The following SPAG16 variants were observed in gnomAD, a reference collection of about 807,000 sequenced individuals.
SPAG16 encodes the protein sperm associated antigen 16, also known as sperm-associated antigen 16 protein.
Under a neutral mutation model 80.4 loss-of-function variants are expected in SPAG16, and 86 were observed. The observed-to-expected ratio is 1.07, with a 90% confidence interval of 0.90 to 1.28. The LOEUF (loss-of-function observed/expected upper bound fraction) is 1.28. Ranked by LOEUF, SPAG16 falls within the 50% of genes most tolerant of loss-of-function variation. The pLI, the probability that SPAG16 is intolerant of heterozygous loss-of-function variation, is 0.00. For synonymous variants in SPAG16, 294 were observed against 265.9 expected (o/e 1.11, Z -1.03); for missense variants, 870 against 765.3 (o/e 1.14, Z -1.61).
chr2:214,143,728 T>G (rs1163041231), intron 14 of SPAG16, among the ~76,000 whole-genome samples: 5 of 152,214 alleles, frequency 3.3e-5, no homozygotes, highest in African/African-American at 1.2e-4. Context: ...TAGCAGGAAC[T>G]GTGCTGGGTG....
intron 9 of SPAG16, among the ~76,000 whole-genome samples, chr2:213,390,140 C>T (rs566780386): frequency 1.3e-5 from 2 of 152,068 alleles, no homozygotes; most frequent in East Asian, 3.8e-4. Flanking sequence ...AACAGAAAGA[C>T]AAATACTATA....
At chr2:213,691,340 G>A (rs903914021) in intron 10 of SPAG16, among the ~76,000 whole-genome samples, 12 of 152,082 alleles carry the variant, frequency 7.9e-5, no homozygotes, top group African/African-American at 1.7e-4. Context: ...ATTCTGACTG[G>A]GTCTGCTTAA....
At chr2:213,738,702 A>G (rs1310471909) in intron 10 of SPAG16, among the ~76,000 whole-genome samples, 1 of 152,230 alleles carries the variant, frequency 6.6e-6, no homozygotes, top group Non-Finnish European at 1.5e-5. Context: ...TTAAAAATAT[A>G]CTGTATGAAA....
chr2:213,611,802 A>G (rs2125019875), intron 10 of SPAG16, among the ~76,000 whole-genome samples: 1 of 152,316 alleles, frequency 6.6e-6, no homozygotes, highest in South Asian at 2.1e-4. Flanking sequence ...AAGTAAAGAC[A>G]TCTCTTGTTT....
intron 10 of SPAG16, among the ~76,000 whole-genome samples, chr2:213,655,440 A>C (rs1008117536): frequency 2.6e-5 from 4 of 152,234 alleles, no homozygotes. Context: ...TTAGGCTGAA[A>C]TATCTGCATT....
At chr2:213,337,174 C>A (rs1168032051) in intron 5 of SPAG16, among the ~76,000 whole-genome samples, 2 of 152,110 alleles carry the variant, frequency 1.3e-5, no homozygotes, top group East Asian at 1.9e-4. Flanking sequence ...CAGAAAACAA[C>A]AACAACATCA....
At chr2:213,512,532 G>C (rs2075269062) in intron 10 of SPAG16, among the ~76,000 whole-genome samples, 1 of 152,080 alleles carries the variant, frequency 6.6e-6, no homozygotes, top group Non-Finnish European at 1.5e-5. Flanking sequence ...CATAAACTTT[G>C]TGTGAACTGG....
intron 4 of SPAG16, among the ~76,000 whole-genome samples, chr2:213,316,418 A>G (rs1207249154): frequency 3.9e-5 from 6 of 152,062 alleles, no homozygotes; most frequent in African/African-American, 1.4e-4. Context: ...ATAGCCTGCT[A>G]ACTGGTCTCT....
chr2:213,902,902 A>G (rs186809943), intron 11 of SPAG16, among the ~76,000 whole-genome samples: 1 of 152,326 alleles, frequency 6.6e-6, no homozygotes, highest in East Asian at 1.9e-4. Context: ...ATTCGTCAAA[A>G]CAAAGTGGTT....
chr2:213,627,714 G>C (rs535826889), intron 10 of SPAG16, among the ~76,000 whole-genome samples: 9 of 152,306 alleles, frequency 5.9e-5, no homozygotes, highest in Non-Finnish European at 1.3e-4. Flanking sequence ...ACAAATAAAT[G>C]AATGAACTGA....
At chr2:213,510,454 T>C (rs2075178515) in intron 10 of SPAG16, among the ~76,000 whole-genome samples, 1 of 152,176 alleles carries the variant, frequency 6.6e-6, no homozygotes. Context: ...GCTGTCACCA[T>C]TGGTGAGGCA....
chr2:214,181,848 GCT>G (rs35499878), intron 15 of SPAG16, among the ~76,000 whole-genome samples: 1 of 151,556 alleles, frequency 6.6e-6, no homozygotes, highest in Non-Finnish European at 1.5e-5. Flanking sequence ...TGGTTGAAAG[GCT>G]CTCTATCTAC....
intron 15 of SPAG16, among the ~76,000 whole-genome samples, chr2:214,188,911 T>A (rs2057567218): frequency 6.6e-6 from 1 of 152,100 alleles, no homozygotes; most frequent in Admixed American, 6.6e-5. Context: ...CTGTGCTTCA[T>A]TTATAGCAAG....
chr2:213,299,806 G>C (rs1575118001), intron 3 of SPAG16, among the ~76,000 whole-genome samples: 1 of 152,058 alleles, frequency 6.6e-6, no homozygotes. Flanking sequence ...TATGTAGTTT[G>C]ATTATACTAT....
chr2:214,022,135 A>T (rs1386112195), intron 13 of SPAG16, among the ~76,000 whole-genome samples: 3 of 152,150 alleles, frequency 2.0e-5, no homozygotes, highest in Non-Finnish European at 1.5e-5. Context: ...GGCGAATGAG[A>T]CATTTTTTTC....
chr2:213,833,045 C>T (rs760495849), intron 10 of SPAG16, among the ~76,000 whole-genome samples: 2 of 152,038 alleles, frequency 1.3e-5, no homozygotes, highest in Non-Finnish European at 2.9e-5. Flanking sequence ...TCTTCAATTA[C>T]TGTGCTGCCT....
intron 9 of SPAG16, among the ~76,000 whole-genome samples, chr2:213,457,025 G>A (rs185684967): frequency 2.3e-4 from 35 of 150,862 alleles, no homozygotes; most frequent in African/African-American, 8.0e-4. Context: ...CTAAATGTTC[G>A]CATTGCATTT....
At chr2:213,852,310 C>T (rs1201216732) in intron 10 of SPAG16, among the ~76,000 whole-genome samples, 9 of 152,256 alleles carry the variant, frequency 5.9e-5, no homozygotes, top group African/African-American at 2.2e-4. Flanking sequence ...TCTTACTTTC[C>T]ATTTTCCACA....
At chr2:214,081,716 TTGTTA>T (rs1202218415) in intron 13 of SPAG16, among the ~76,000 whole-genome samples, 2 of 152,206 alleles carry the variant, frequency 1.3e-5, no homozygotes, top group Non-Finnish European at 2.9e-5. Context: ...TTGTGATGTT[TTGTTA>T]TGACAGCCCT....
Sources: allele counts gnomAD v4.1 joint callset (sites outside exome capture counted in the v4.1 genomes callset), GRCh38; gene constraint gnomAD v4.1.1; transcripts MANE v1.5; gene names NCBI Gene and HGNC (gene_info 2026-07-23, HGNC 2026-07-21).